Variants in SDK1 observed in about 807,000 individuals in gnomAD.
The protein encoded by SDK1 is protein sidekick-1.
A neutral mutation model predicts 245.5 loss-of-function variants in SDK1; 157 were observed. The observed-to-expected ratio is 0.64, with a 90% CI of 0.56 to 0.73. The LOEUF (loss-of-function observed/expected upper bound fraction) is 0.73. SDK1 is among the 30% of genes least tolerant of loss of function. The probability of loss-of-function intolerance (pLI) is 0.00; values close to 1 mark genes in which losing one functional copy is unlikely to be tolerated. For synonymous variants in SDK1, 1,647 were observed against 1,278.5 expected, an observed-to-expected ratio of 1.29 and a Z score of -6.15; for missense variants, 3,583 against 3,002.3, an observed-to-expected ratio of 1.19 and a Z score of -4.52.
chr7:3,345,493 C>T (rs999169551), intron 1 of SDK1, among the ~76,000 whole-genome samples: 1 of 152,144 alleles, frequency 6.6e-6, no homozygotes, highest in South Asian at 2.1e-4. Flanking sequence ...GACATTCTTA[C>T]AATAAGCATG....
At chr7:3,610,837 A>G (rs1205003597) in intron 1 of SDK1, among the ~76,000 whole-genome samples, 3 of 152,256 alleles carry the variant, frequency 2.0e-5, no homozygotes, top group Non-Finnish European at 4.4e-5. Flanking sequence ...TGGAAATCTC[A>G]GGGACCCTCC....
intron 1 of SDK1, among the ~76,000 whole-genome samples, chr7:3,523,445 A>G (rs1426245708): frequency 2.6e-5 from 4 of 152,152 alleles, no homozygotes; most frequent in Non-Finnish European, 4.4e-5. Context: ...ACACAGGGTA[A>G]GTTACCACTG....
intron 4 of SDK1, among the ~76,000 whole-genome samples, chr7:3,680,754 C>T (rs1256099552): frequency 6.6e-6 from 1 of 152,184 alleles, no homozygotes; most frequent in African/African-American, 2.4e-5. Context: ...GGTTTGTTGT[C>T]TCCAGATGCA....
intron 22 of SDK1, among the ~76,000 whole-genome samples, chr7:4,091,343 T>C (rs537515169): frequency 1.4e-5 from 2 of 142,202 alleles, no homozygotes; most frequent in East Asian, 4.0e-4. Context: ...TCTTTTTTTT[T>C]TTTTTTTTTT....
chr7:3,781,329 A>G (rs1780729472), intron 4 of SDK1, among the ~76,000 whole-genome samples: 1 of 152,128 alleles, frequency 6.6e-6, no homozygotes. Context: ...TCAGAGCAAA[A>G]GCAGCAGCCC....
intron 1 of SDK1, among the ~76,000 whole-genome samples, chr7:3,462,641 C>T (rs1359391080): frequency 1.3e-5 from 2 of 152,116 alleles, no homozygotes; most frequent in Non-Finnish European, 2.9e-5. Context: ...TCCAGCTGTA[C>T]CATAAACTTT....
intron 1 of SDK1, among the ~76,000 whole-genome samples, chr7:3,616,789 A>G (rs1210954227): frequency 6.6e-6 from 1 of 152,210 alleles, no homozygotes; most frequent in Admixed American, 6.5e-5. Flanking sequence ...TTAATGTGCA[A>G]CTAGTTTCAG....
At chr7:3,732,083 C>T (rs1209127627) in intron 4 of SDK1, among the ~76,000 whole-genome samples, 1 of 152,216 alleles carries the variant, frequency 6.6e-6, no homozygotes, top group African/African-American at 2.4e-5. Context: ...AGCCACCACA[C>T]CCAGCAGTAA....
chr7:3,334,394 C>T (rs545249916), intron 1 of SDK1, among the ~76,000 whole-genome samples: 35 of 152,310 alleles, frequency 2.3e-4, no homozygotes, highest in African/African-American at 7.9e-4. Flanking sequence ...CGGGTACGAA[C>T]TCCACTTAAT....
rs116808207 is a variant in SDK1, at chr7:3,770,018, C to T, written c.714-51432C>T. 1.8e-3 allele frequency among the ~76,000 whole-genome samples: 267 copies of T among 151,366 alleles called. 1 individual carries two copies. Among genetic ancestry groups the T allele is most frequent in the African/African-American group, 6.3e-3 (260 of 41,274 alleles). On this transcript the variant is annotated intron_variant, in intron 4 of 44. Transcript: ENST00000404826. The stretch of plus-strand genomic sequence containing the variant: ...ACATGTGTAAGTTCACATATCCCTA[C>T]TACAGTCTCCATTCATGGAGAATAG...
At chr7:3,570,721 C>T (rs1166551983) in intron 1 of SDK1, among the ~76,000 whole-genome samples, 1 of 152,154 alleles carries the variant, frequency 6.6e-6, no homozygotes, top group Non-Finnish European at 1.5e-5. Context: ...CGTAACGAGG[C>T]CTGTGAGAGT....
chr7:3,721,870 C>G (rs907117355), intron 4 of SDK1, among the ~76,000 whole-genome samples: 1 of 152,168 alleles, frequency 6.6e-6, no homozygotes, highest in Non-Finnish European at 1.5e-5. Flanking sequence ...TCCTTAAGCT[C>G]TCCTTTAGGT....
At chr7:3,353,428 C>G (rs375413459) in intron 1 of SDK1, among the ~76,000 whole-genome samples, 4 of 151,610 alleles carry the variant, frequency 2.6e-5, no homozygotes, top group Admixed American at 6.6e-5. Flanking sequence ...TTGAAGTAAC[C>G]ATAATTTCTA....
chr7:4,027,256 G>A (rs921468200), intron 17 of SDK1, among the ~76,000 whole-genome samples: 3 of 152,218 alleles, frequency 2.0e-5, no homozygotes, highest in Non-Finnish European at 2.9e-5. Context: ...GAGAAACTGA[G>A]ATTTCACGGT....
intron 1 of SDK1, among the ~76,000 whole-genome samples, chr7:3,563,339 A>G (rs1171757350): frequency 6.6e-6 from 1 of 152,182 alleles, no homozygotes; most frequent in East Asian, 1.9e-4. Flanking sequence ...ATGGGGCGGA[A>G]AAACAAGATA....
intron 28 of SDK1, among the ~76,000 whole-genome samples, chr7:4,136,301 A>G (rs1254404406): frequency 2.0e-5 from 3 of 152,170 alleles, no homozygotes; most frequent in African/African-American, 7.2e-5. Context: ...GGAAGACAGG[A>G]AGACAATTCC....
At chr7:4,209,769 C>T (rs867502872) in intron 37 of SDK1, among the ~76,000 whole-genome samples, 25 of 152,120 alleles carry the variant, frequency 1.6e-4, no homozygotes, top group African/African-American at 4.8e-4. Flanking sequence ...ATGCCTTTGC[C>T]GTTTTGTCTC....
intron 1 of SDK1, among the ~76,000 whole-genome samples, chr7:3,433,815 C>G (rs1779936953): frequency 6.6e-6 from 1 of 152,148 alleles, no homozygotes; most frequent in Non-Finnish European, 1.5e-5. Context: ...TTGTAAATCA[C>G]AAGCTTGACA....
intron 1 of SDK1, among the ~76,000 whole-genome samples, chr7:3,551,701 G>C (rs9638859): frequency 6.6e-6 from 1 of 151,776 alleles, no homozygotes; most frequent in Non-Finnish European, 1.5e-5. Context: ...TTACAGACAG[G>C]CTCTCAGTGT....
Sources: gnomAD v4.1 joint callset for allele counts (sites outside exome capture counted in the v4.1 genomes callset) on GRCh38, gnomAD v4.1.1 for gene constraint, MANE v1.5 for transcripts, NCBI Gene and HGNC (gene_info 2026-07-23, HGNC 2026-07-21) for gene names.